Variants in DGKI observed in about 807,000 individuals in gnomAD.
DGKI encodes the protein DAG kinase iota.
In DGKI, 55 loss-of-function variants were observed where a neutral mutation model predicts 147.5. The observed-to-expected ratio is 0.37, with a 90% confidence interval of 0.30 to 0.47. DGKI has a LOEUF of 0.47. Ranked by LOEUF, DGKI falls within the 20% of genes least tolerant of loss-of-function variation. The pLI, the probability that DGKI is intolerant of heterozygous loss-of-function variation, is 1.00. For missense variants in DGKI, 1,007 were observed against 1,323.8 expected (o/e 0.76, Z 3.71); for synonymous variants, 469 against 477.1 (o/e 0.98, Z 0.22).
intron 3 of DGKI, among the ~76,000 whole-genome samples, chr7:137,670,026 A>C (rs374269264): frequency 3.5e-4 from 54 of 152,344 alleles, no homozygotes; most frequent in African/African-American, 1.3e-3. Context: ...AAAAGTAGGA[A>C]ATCCTGCATA....
intron 13 of DGKI, 24 bp from the exon 14 acceptor site, chr7:137,585,370 A>G (rs758970078): frequency 6.2e-7 from 1 of 1,612,016 alleles, no homozygotes; most frequent in Non-Finnish European, 8.5e-7. Context: ...GAACATATCC[A>G]TTGCTGTCCA....
intron 1 of DGKI, among the ~76,000 whole-genome samples, chr7:137,702,655 T>C (rs1824022728): frequency 6.6e-6 from 1 of 152,060 alleles, no homozygotes; most frequent in Non-Finnish European, 1.5e-5. Context: ...AACCAACAGC[T>C]CCTTGATCCC....
intron 29 of DGKI, among the ~76,000 whole-genome samples, chr7:137,411,807 A>G (rs1457306096): frequency 6.6e-6 from 1 of 152,192 alleles, no homozygotes; most frequent in African/African-American, 2.4e-5. Flanking sequence ...GGAAAGATTA[A>G]TCTCTGGCCT....
intron 12 of DGKI, among the ~76,000 whole-genome samples, chr7:137,594,903 G>A (rs564857326): frequency 6.6e-6 from 1 of 152,146 alleles, no homozygotes; most frequent in Middle Eastern, 3.2e-3. Context: ...GCAAAGTTTT[G>A]ATTCTAAGTA....
chr7:137,647,520 G>A (rs1019115056), intron 5 of DGKI, among the ~76,000 whole-genome samples: 6 of 152,198 alleles, frequency 3.9e-5, no homozygotes, highest in Admixed American at 1.3e-4. Context: ...CCAGCTGGTG[G>A]TGGTTGTATG....
In DGKI at chr7:137,386,491, G is replaced by A. The variant is rs1811179746; in HGVS notation, c.*4729C>T. On this transcript the variant is annotated 3_prime_UTR_variant, in exon 33 of 33. Coordinates refer to ENST00000614521, the MANE Select transcript of DGKI (RefSeq NM_001321708.2). ...ATTCTATAAGATGATCAAGGTCAGT[G>A]GACATCCATGTGTCCTTTGAGTAAA... 1 of 152,144 alleles carries A rather than the reference G, an allele frequency of 6.6e-6. No homozygotes were observed. The highest frequency in any genetic ancestry group is 1.5e-5 in the Non-Finnish European group (1 of 68,016). The allele number at this position is 152,144 out of a possible 1,614,324, so 9.4% of individuals were successfully genotyped here.
chr7:137,561,800 T>G (rs1045912995), intron 19 of DGKI, among the ~76,000 whole-genome samples: 3 of 151,846 alleles, frequency 2.0e-5, no homozygotes, highest in Non-Finnish European at 4.4e-5. Flanking sequence ...ATGATGCAAA[T>G]GACAGCTGAC....
At chr7:137,620,536 C>T (rs6946790) in intron 7 of DGKI, among the ~76,000 whole-genome samples, 2,979 of 152,114 alleles carry the variant, frequency 0.02, 42 homozygotes, top group South Asian at 0.036. Flanking sequence ...GTTGAAAATC[C>T]CAGAAGTAAC....
At chr7:137,566,819 AT>A (rs1172080511) in intron 19 of DGKI, among the ~76,000 whole-genome samples, 4 of 152,056 alleles carry the variant, frequency 2.6e-5, no homozygotes, top group Non-Finnish European at 5.9e-5. Flanking sequence ...TAAATTGCCC[AT>A]TTCTATATTT....
chr7:137,523,147 T>C (rs927357783), intron 20 of DGKI, among the ~76,000 whole-genome samples: 3 of 151,718 alleles, frequency 2.0e-5, no homozygotes, highest in Non-Finnish European at 2.9e-5. Context: ...TAAGAAAGAA[T>C]ACATGAAAGA....
chr7:137,788,085 A>G (rs1466122498), intron 1 of DGKI, among the ~76,000 whole-genome samples: 2 of 152,210 alleles, frequency 1.3e-5, no homozygotes, highest in Non-Finnish European at 2.9e-5. Flanking sequence ...ATCAACACTT[A>G]AAAATCTTTT....
chr7:137,450,386 CAT>C lies in DGKI; in HGVS notation c.2736-6286_2736-6285del, dbSNP rs141760988. ...ATTTCACATCATGTTGTATACAACACATAATAATTTTATGTCAATTTTAAAAT... is the reference window on the plus strand; with the variant it reads ...ATTTCACATCATGTTGTATACAACACAATAATTTTATGTCAATTTTAAAAT... On this transcript the variant is annotated intron_variant, in intron 27 of 32. Transcript: ENST00000614521. Among the ~76,000 whole-genome samples the C allele has an allele frequency of 8.4e-3, 1,272 of 152,242 alleles. 15 individuals are homozygous for C. Among genetic ancestry groups the C allele is most frequent in the African/African-American group, 0.029 (1,218 of 41,554 alleles).
chr7:137,779,452 T>C (rs920385429), intron 1 of DGKI, among the ~76,000 whole-genome samples: 2 of 152,160 alleles, frequency 1.3e-5, no homozygotes, highest in Admixed American at 6.5e-5. Context: ...CAGAAGGACA[T>C]AGAACATAAT....
intron 20 of DGKI, among the ~76,000 whole-genome samples, chr7:137,526,954 G>T (rs1817169866): frequency 6.6e-6 from 1 of 152,070 alleles, no homozygotes; most frequent in Non-Finnish European, 1.5e-5. Flanking sequence ...GTTCTCCAGG[G>T]TCACTTTTAA....
chr7:137,732,360 T>C (rs934362394), intron 1 of DGKI, among the ~76,000 whole-genome samples: 26 of 152,096 alleles, frequency 1.7e-4, no homozygotes, highest in Admixed American at 2.0e-4. Flanking sequence ...CTGAGTACTT[T>C]GCATACAACA....
intron 23 of DGKI, among the ~76,000 whole-genome samples, chr7:137,478,742 G>C (rs1319006976): frequency 6.6e-6 from 1 of 152,166 alleles, no homozygotes; most frequent in South Asian, 2.1e-4. Context: ...TCCTGGAAAG[G>C]GGGTGAATAT....
chr7:137,588,272 AT>A (rs1462564862), intron 12 of DGKI, among the ~76,000 whole-genome samples: 1 of 152,146 alleles, frequency 6.6e-6, no homozygotes. Context: ...AGCTAAGCAA[AT>A]TTTTTGACAT....
chr7:137,544,136 C>T (rs141615978), intron 20 of DGKI, among the ~76,000 whole-genome samples: 188 of 152,226 alleles, frequency 1.2e-3, no homozygotes, highest in Admixed American at 2.1e-3. Flanking sequence ...ATGTAGCACG[C>T]ACACTCATGG....
intron 21 of DGKI, among the ~76,000 whole-genome samples, chr7:137,512,708 A>G (rs955379032): frequency 1.3e-5 from 2 of 152,232 alleles, no homozygotes; most frequent in African/African-American, 4.8e-5. Flanking sequence ...ATCAAATATC[A>G]TCATCATTTT....
Sources: allele counts gnomAD v4.1 joint callset (sites outside exome capture counted in the v4.1 genomes callset), GRCh38; gene constraint gnomAD v4.1.1; transcripts MANE v1.5; gene names NCBI Gene and HGNC (gene_info 2026-07-23, HGNC 2026-07-21).